The following NEIL3 variants were observed in gnomAD, a reference collection of about 807,000 sequenced individuals.
The protein encoded by NEIL3 is endonuclease 8-like 3.
A neutral mutation model predicts 57.5 loss-of-function variants in NEIL3; 48 were observed. The ratio of observed to expected loss-of-function variants is 0.83; its 90% CI spans 0.66 to 1.06. The LOEUF is 1.06. Ranked by LOEUF, NEIL3 falls within the 50% of genes least tolerant of loss-of-function variation. The pLI, the probability that NEIL3 is intolerant of heterozygous loss-of-function variation, is 0.00. For missense variants in NEIL3, 717 were observed against 739.1 expected (o/e 0.97, Z 0.35); for synonymous variants, 261 against 253.2 (o/e 1.03, Z -0.29).
chr4:177,336,964 G>A (rs1038995963), intron 4 of NEIL3, among the ~76,000 whole-genome samples: 3 of 152,120 alleles, frequency 2.0e-5, no homozygotes, highest in Non-Finnish European at 4.4e-5. Flanking sequence ...TAGAGCCCTT[G>A]TTCACATAGG....
At chr4:177,367,431 C>G (rs1735706516), downstream of NEIL3, among the ~76,000 whole-genome samples, 1 of 152,110 alleles carries the variant, frequency 6.6e-6, no homozygotes, top group South Asian at 2.1e-4. Context: ...TCAATCCCCA[C>G]TGGTGCAGTC....
chr4:177,320,788 C>T (rs950084504), intron 1 of NEIL3, among the ~76,000 whole-genome samples: 1 of 151,928 alleles, frequency 6.6e-6, no homozygotes, highest in Non-Finnish European at 1.5e-5. Flanking sequence ...TTAATTACTC[C>T]TGTGCATTTA....
chr4:177,335,546 C>A (rs1202006321), intron 2 of NEIL3, 142 bp from the exon 3 acceptor site: 8 of 570,422 alleles, frequency 1.4e-5, no homozygotes, highest in Non-Finnish European at 2.1e-5. Context: ...AATAATCTTA[C>A]CACTGGTTTC....
At chr4:177,326,465 G>T (rs1734781738) in intron 2 of NEIL3, among the ~76,000 whole-genome samples, 1 of 150,888 alleles carries the variant, frequency 6.6e-6, no homozygotes, top group South Asian at 2.1e-4. Flanking sequence ...AATTAAAGTA[G>T]CTTTAAAGTC....
chr4:177,351,039 A>G (rs545642849), intron 6 of NEIL3, among the ~76,000 whole-genome samples: 19 of 151,592 alleles, frequency 1.3e-4, no homozygotes, highest in African/African-American at 4.4e-4. Context: ...TTCCATCTCT[A>G]CTAAAAATTT....
At position 177,336,462 on chromosome 4, in the gene NEIL3, A is replaced by G; in HGVS notation, c.627+141A>G. The G allele has an allele frequency of 1.3e-5, 9 of 672,638 alleles. No homozygotes were observed. The South Asian group carries it at 1.8e-4, about 13-fold the overall frequency. 41.7% of individuals were successfully genotyped at this position (672,638 alleles called of 1,614,324 possible). On this transcript the variant is annotated intron_variant, in intron 4 of 9. Transcript: ENST00000264596. ...CCGCTTCCCATTTCTACCCAGGTCA[A>G]TTTCTCAGTGCAGCCGGCTCCTACC...
intron 1 of NEIL3, 131 bp from the exon 2 acceptor site, chr4:177,322,328 T>G: frequency 1.7e-6 from 2 of 1,196,282 alleles, no homozygotes; most frequent in Non-Finnish European, 2.4e-6. Flanking sequence ...ACATGACTTG[T>G]TGGAGATTAT....
intron 2 of NEIL3, among the ~76,000 whole-genome samples, chr4:177,326,910 A>G (rs1048015673): frequency 1.3e-5 from 2 of 152,060 alleles, no homozygotes; most frequent in African/African-American, 2.4e-5. Flanking sequence ...TGCTGATATG[A>G]TCTGGCTCTG....
chr4:177,328,934 T>C (rs1285047232), intron 2 of NEIL3, among the ~76,000 whole-genome samples: 1 of 152,172 alleles, frequency 6.6e-6, no homozygotes, highest in Non-Finnish European at 1.5e-5. Context: ...TTGCATATCA[T>C]TTGAAGATAT....
chr4:177,369,181 A>G, the NEIL3 span, among the ~76,000 whole-genome samples: 1 of 152,180 alleles, frequency 6.6e-6, no homozygotes, highest in African/African-American at 2.4e-5. Context: ...AGAGAGGGAA[A>G]TTTCACATAT....
rs1000369291 is a variant in NEIL3 at position 177,327,496 on chromosome 4, C to T, written c.278+4916C>T. Among the ~76,000 whole-genome samples the T allele has an allele frequency of 3.2e-4, 49 of 152,116 alleles. 1 individual carries two copies. Among genetic ancestry groups the T allele is most frequent in the African/African-American group, 1.2e-3 (48 of 41,416 alleles). On this transcript the variant is annotated intron_variant, in intron 2 of 9. Coordinates refer to ENST00000264596, the MANE Select transcript of NEIL3 (RefSeq NM_018248.3). ...GTTTGTTACATAGGTGTACATGTGCCATGGTGGTTTGCTGCACCTATCAAC... is the reference window on the plus strand; with the variant it reads ...GTTTGTTACATAGGTGTACATGTGCTATGGTGGTTTGCTGCACCTATCAAC...
intron 6 of NEIL3, chr4:177,342,973 A>C (rs1474737039): frequency 6.6e-6 from 1 of 152,252 alleles, no homozygotes; most frequent in Non-Finnish European, 1.5e-5. Flanking sequence ...CATAGTTAAC[A>C]TGGAAAACGA....
chr4:177,332,388 G>A (rs774023455), intron 2 of NEIL3, among the ~76,000 whole-genome samples: 18 of 152,234 alleles, frequency 1.2e-4, no homozygotes, highest in Non-Finnish European at 2.1e-4. Context: ...AAGGGTTTCC[G>A]CTGCTGTCCT....
intron 2 of NEIL3, among the ~76,000 whole-genome samples, chr4:177,329,544 T>C (rs576849895): frequency 6.6e-6 from 1 of 152,200 alleles, no homozygotes; most frequent in Non-Finnish European, 1.5e-5. Flanking sequence ...CAAGAAAATG[T>C]AGTAATCCTA....
chr4:177,325,027 TTG>T (rs1288751181), intron 2 of NEIL3, among the ~76,000 whole-genome samples: 1 of 152,094 alleles, frequency 6.6e-6, no homozygotes, highest in East Asian at 1.9e-4. Context: ...TGTTTCCAGT[TTG>T]TGATTTACAT....
chr4:177,334,272 G>A (rs1209503181), intron 2 of NEIL3, among the ~76,000 whole-genome samples: 1 of 152,032 alleles, frequency 6.6e-6, no homozygotes, highest in Non-Finnish European at 1.5e-5. Flanking sequence ...CCCACGAGAT[G>A]TGTTGGTTTA....
At chr4:177,364,669 C>T (rs997322199), downstream of NEIL3, among the ~76,000 whole-genome samples, 3 of 152,164 alleles carry the variant, frequency 2.0e-5, no homozygotes, top group Non-Finnish European at 2.9e-5. Flanking sequence ...GTGGCTCACA[C>T]CTGTAATCCC....
At chr4:177,319,851 A>G (rs182495842) in intron 1 of NEIL3, among the ~76,000 whole-genome samples, 38 of 152,308 alleles carry the variant, frequency 2.5e-4, no homozygotes, top group African/African-American at 8.7e-4. Flanking sequence ...AAGAAAAGCT[A>G]GAAAATTTCA....
intron 8 of NEIL3, 115 bp from the exon 9 acceptor site, chr4:177,360,388 C>T (rs1735582849): frequency 3.1e-6 from 2 of 649,932 alleles, no homozygotes; most frequent in Non-Finnish European, 5.0e-6. Context: ...TAACGAGGTC[C>T]ACTTTTTGAT....
Sources: gnomAD v4.1 joint callset for allele counts (sites outside exome capture counted in the v4.1 genomes callset) on GRCh38, gnomAD v4.1.1 for gene constraint, MANE v1.5 for transcripts, NCBI Gene and HGNC (gene_info 2026-07-23, HGNC 2026-07-21) for gene names.